HHIP: variants seen among roughly 807,000 people sequenced by gnomAD.
HHIP encodes hedgehog interacting protein, also known as hedgehog-interacting protein.
Under a neutral mutation model 74.0 loss-of-function variants are expected in HHIP, and 12 were observed. The ratio of observed to expected loss-of-function variants is 0.16; its 90% confidence interval spans 0.10 to 0.26. The LOEUF is 0.26. HHIP is among the 10% of genes least tolerant of loss of function. The pLI, the probability that HHIP is intolerant of heterozygous loss-of-function variation, is 1.00. For synonymous variants in HHIP, 309 were observed against 311.6 expected, an observed-to-expected ratio of 0.99 and a Z score of 0.09; for missense variants, 788 against 845.0, an observed-to-expected ratio of 0.93 and a Z score of 0.84.
At chr4:144,686,523 A>G (rs977065221) in intron 4 of HHIP, among the ~76,000 whole-genome samples, 29 of 152,180 alleles carry the variant, frequency 1.9e-4, no homozygotes, top group African/African-American at 6.3e-4. Flanking sequence ...GATGGAGAAC[A>G]AAAGGGAAGA....
rs2126663896 is a variant in HHIP, at chr4:144,714,207, T to C, written c.1424-18T>C. On this transcript the variant is annotated intron_variant, in intron 8 of 12. Transcript: ENST00000296575. The stretch of plus-strand genomic sequence containing the variant: ...TGAAAATATGTTTCATTTGATCTAA[T>C]GCTATGTTTCTTTCCAGAAAGTGAG... The C allele has an allele frequency of 1.9e-6, 3 of 1,606,064 alleles. No homozygotes were observed. The highest frequency in any genetic ancestry group is 1.7e-5 in the Admixed American group (1 of 59,914).
At chr4:144,658,735 G>T in intron 2 of HHIP, 55 bp from the exon 3 acceptor site, 2 of 1,390,418 alleles carry the variant, frequency 1.4e-6, no homozygotes, top group East Asian at 2.3e-5. Context: ...TTCAAATAAG[G>T]TGGTTTTACT....
intron 4 of HHIP, among the ~76,000 whole-genome samples, chr4:144,665,002 A>C (rs1387522085): frequency 1.3e-5 from 2 of 152,252 alleles, no homozygotes; most frequent in South Asian, 2.1e-4. Flanking sequence ...TTCTGGTTAC[A>C]AACCGTTTAT....
chr4:144,701,265 T>C (rs1053280484), intron 4 of HHIP, among the ~76,000 whole-genome samples: 2 of 152,086 alleles, frequency 1.3e-5, no homozygotes, highest in Non-Finnish European at 2.9e-5. Flanking sequence ...GTCTTACTGT[T>C]TGTAGAAACT....
chr4:144,665,173 A>AT (rs1728827079), intron 4 of HHIP, among the ~76,000 whole-genome samples: 1 of 152,074 alleles, frequency 6.6e-6, no homozygotes, highest in South Asian at 2.1e-4. Flanking sequence ...GGTTCAAGAG[A>AT]TTCTCCTGCC....
intron 4 of HHIP, among the ~76,000 whole-genome samples, chr4:144,705,765 T>C (rs1466920765): frequency 6.6e-6 from 1 of 152,230 alleles, no homozygotes; most frequent in African/African-American, 2.4e-5. Context: ...ATCCTTGACA[T>C]TCATATAATA....
chr4:144,656,868 C>A (rs533374899), intron 2 of HHIP, among the ~76,000 whole-genome samples: 2 of 151,924 alleles, frequency 1.3e-5, no homozygotes, highest in Non-Finnish European at 2.9e-5. Flanking sequence ...TGAATGCTTA[C>A]CCATTTAAGA....
intron 4 of HHIP, among the ~76,000 whole-genome samples, chr4:144,687,703 G>A (rs1729527257): frequency 6.8e-6 from 1 of 147,642 alleles, no homozygotes; most frequent in African/African-American, 2.5e-5. Context: ...AAACTCACTG[G>A]TCTAGTCAGT....
rs113224976 is a variant in HHIP at position 144,653,878 on chromosome 4, C to A, written c.472+1081C>A. On this transcript the variant is annotated intron_variant, in intron 2 of 12. Coordinates refer to ENST00000296575, the MANE Select transcript of HHIP (RefSeq NM_022475.3). Reference sequence around the variant, plus strand: ...TTCAATATGAAAATATTATTATTGTCTTCATAAACCACAGCCATGTTTCTA... The same window carrying A: ...TTCAATATGAAAATATTATTATTGTATTCATAAACCACAGCCATGTTTCTA... Among the ~76,000 whole-genome samples, 481 of 152,174 alleles carry A rather than the reference C, an allele frequency of 3.2e-3. 1 individual carries two copies. The highest frequency in any genetic ancestry group is 4.8e-3 in the Non-Finnish European group (327 of 68,000).
chr4:144,693,489 A>G (rs998784502), intron 4 of HHIP, among the ~76,000 whole-genome samples: 2 of 152,132 alleles, frequency 1.3e-5, no homozygotes, highest in Non-Finnish European at 2.9e-5. Context: ...AGAAACTCCC[A>G]TGGAAAACGT....
At position 144,728,037 on chromosome 4, in the gene HHIP, A is replaced by G. The variant is rs535206061; in HGVS notation, c.1761-6704A>G. 8.1e-4 allele frequency among the ~76,000 whole-genome samples: 123 copies of G among 152,356 alleles called. 3 individuals carry two copies. The Middle Eastern group carries it at 0.017, about 21-fold the overall frequency. ...TCTCATGAGAATAAAGTTAAACTTG[A>G]AAAATGTAAGTGGCTTCATTATTTG... is the stretch of plus-strand genomic sequence containing the variant. On this transcript the variant is annotated intron_variant, in intron 11 of 12. Coordinates refer to ENST00000296575, the MANE Select transcript of HHIP (RefSeq NM_022475.3).
At chr4:144,683,859 G>A (rs538168756) in intron 4 of HHIP, among the ~76,000 whole-genome samples, 7 of 152,124 alleles carry the variant, frequency 4.6e-5, no homozygotes, top group African/African-American at 1.4e-4. Context: ...GCTGGCCCGC[G>A]ATTTGGATGG....
chr4:144,671,323 T>G (rs1000316930), intron 4 of HHIP, among the ~76,000 whole-genome samples: 6 of 151,978 alleles, frequency 3.9e-5, no homozygotes, highest in Non-Finnish European at 8.8e-5. Context: ...AGGGTGTTTT[T>G]TTTTTTTTTC....
chr4:144,738,927 C>T lies in HHIP; in HGVS notation c.*970C>T, dbSNP rs1215043042. On this transcript the variant is annotated 3_prime_UTR_variant, in exon 13 of 13. Transcript: ENST00000296575. ...ACAGCCAATCCTTATAAAATTCCAGCATTAAACATTTGTAAAGTGCTTTTC... is the reference window on the plus strand; with the variant it reads ...ACAGCCAATCCTTATAAAATTCCAGTATTAAACATTTGTAAAGTGCTTTTC... 1 of 153,212 alleles carries T rather than the reference C, an allele frequency of 6.5e-6. No homozygotes were observed. The highest frequency in any genetic ancestry group is 1.5e-5 in the Non-Finnish European group (1 of 68,750). 9.5% of individuals were successfully genotyped at this position (153,212 alleles called of 1,614,324 possible). A position where few individuals can be genotyped will look rare whatever the true frequency, so the allele number is the denominator to read the frequency against.
At chr4:144,707,294 G>C in intron 6 of HHIP, 34 bp downstream of exon 6, 1 of 1,516,792 alleles carries the variant, frequency 6.6e-7, no homozygotes, top group East Asian at 2.3e-5. Flanking sequence ...TTCCTCTCAA[G>C]GTTAAAATAG....
chr4:144,712,709 C>T (rs1730339063), intron 8 of HHIP, among the ~76,000 whole-genome samples: 1 of 151,572 alleles, frequency 6.6e-6, no homozygotes, highest in Non-Finnish European at 1.5e-5. Context: ...AGTATTTATT[C>T]CTTTTGAAGG....
chr4:144,696,174 C>T (rs1016859961), intron 4 of HHIP, among the ~76,000 whole-genome samples: 1 of 151,878 alleles, frequency 6.6e-6, no homozygotes, highest in African/African-American at 2.4e-5. Flanking sequence ...CTTGGATTAT[C>T]TGAGCAACCT....
At chr4:144,724,057 T>C (rs886595630) in intron 11 of HHIP, among the ~76,000 whole-genome samples, 1 of 152,164 alleles carries the variant, frequency 6.6e-6, no homozygotes. Flanking sequence ...TTTAGAGATA[T>C]ACCACAAAAG....
chr4:144,703,178 C>T (rs1431806369), intron 4 of HHIP, among the ~76,000 whole-genome samples: 10 of 150,604 alleles, frequency 6.6e-5, no homozygotes, highest in Non-Finnish European at 1.3e-4. Context: ...TGCGCCACTG[C>T]ACTCCAGCCT....
Sources: allele counts gnomAD v4.1 joint callset (sites outside exome capture counted in the v4.1 genomes callset), GRCh38; gene constraint gnomAD v4.1.1; transcripts MANE v1.5; gene names NCBI Gene and HGNC (gene_info 2026-07-23, HGNC 2026-07-21).